VAT1L: variants seen among roughly 807,000 people sequenced by gnomAD.
The protein encoded by VAT1L is putative NADPH-dependent quinone oxidoreductase VAT1L.
VAT1L carries 34 observed loss-of-function variants against 44.1 expected under a neutral mutation model. The observed-to-expected ratio is 0.77, with a 90% CI of 0.59 to 1.03. The LOEUF (loss-of-function observed/expected upper bound fraction) is 1.03, where lower values mean the gene tolerates loss of function less well. Ranked by LOEUF, VAT1L falls within the 50% of genes least tolerant of loss-of-function variation. VAT1L has a pLI of 0.00. For missense variants in VAT1L, 615 were observed against 538.8 expected, an observed-to-expected ratio of 1.14 and a Z score of -1.40; for synonymous variants, 253 against 202.2, an observed-to-expected ratio of 1.25 and a Z score of -2.13.
chr16:77,836,395 GA>G (rs991542561), intron 3 of VAT1L, among the ~76,000 whole-genome samples: 2 of 152,124 alleles, frequency 1.3e-5, no homozygotes, highest in Non-Finnish European at 1.5e-5. Context: ...AAAATTTAAA[GA>G]GAACTAAATG....
At chr16:77,964,673 T>G (rs1017489022) in intron 7 of VAT1L, among the ~76,000 whole-genome samples, 1 of 151,978 alleles carries the variant, frequency 6.6e-6, no homozygotes, top group Middle Eastern at 3.4e-3. Flanking sequence ...GAGTGTGAGG[T>G]CATTCTGTCT....
intron 3 of VAT1L, among the ~76,000 whole-genome samples, chr16:77,859,247 C>G (rs577800062): frequency 7.5e-4 from 114 of 152,118 alleles, no homozygotes; most frequent in African/African-American, 2.7e-3. Context: ...TTGCAGTGAG[C>G]CATGATTGAA....
At chr16:77,857,402 G>A (rs72791000) in intron 3 of VAT1L, among the ~76,000 whole-genome samples, 13,536 of 152,060 alleles carry the variant, frequency 0.089, 949 homozygotes, top group East Asian at 0.28. Flanking sequence ...TAAATGTGTG[G>A]GAAGGCACTT....
At chr16:77,932,190 G>A (rs2017739312) in intron 7 of VAT1L, among the ~76,000 whole-genome samples, 1 of 143,404 alleles carries the variant, frequency 7.0e-6, no homozygotes, top group African/African-American at 2.6e-5. Context: ...TGCAAGCTCT[G>A]CCTCCTGGGT....
intron 1 of VAT1L, among the ~76,000 whole-genome samples, chr16:77,796,898 C>T (rs567491219): frequency 2.6e-5 from 4 of 152,250 alleles, no homozygotes; most frequent in Admixed American, 1.3e-4. Flanking sequence ...CAATCTGGGA[C>T]GTTCTCACTT....
intron 7 of VAT1L, among the ~76,000 whole-genome samples, chr16:77,894,384 G>A (rs921566460): frequency 3.3e-5 from 5 of 152,228 alleles, no homozygotes; most frequent in Admixed American, 2.6e-4. Flanking sequence ...GGGGGCAGAA[G>A]TCTGAATGCA....
At chr16:77,927,283 A>C (rs539674262) in intron 7 of VAT1L, among the ~76,000 whole-genome samples, 11 of 149,950 alleles carry the variant, frequency 7.3e-5, no homozygotes, top group African/African-American at 2.7e-4. Flanking sequence ...GCTTGCAGTG[A>C]GCCGAGATCG....
At chr16:77,797,657 G>T in intron 1 of VAT1L, among the ~76,000 whole-genome samples, 1 of 152,124 alleles carries the variant, frequency 6.6e-6, no homozygotes, top group Non-Finnish European at 1.5e-5. Context: ...CAAATCCCAT[G>T]CTTTGGACAC....
chr16:77,895,101 C>CACACACAA lies in VAT1L; in HGVS notation c.1077+10306_1077+10307insAACACACA, dbSNP rs1555517703. On this transcript the variant is annotated intron_variant, in intron 7 of 8. Transcript: ENST00000302536. ...AACGTGATCACCCCAGCCACTTGCC[C>CACACACAA]ACACACACACACACACTCACACATT... Among the ~76,000 whole-genome samples the CACACACAA allele has an allele frequency of 1.3e-3, 8 of 6,168 alleles. 1 individual carries two copies. Among genetic ancestry groups the CACACACAA allele is most frequent in the African/African-American group, 1.4e-3 (8 of 5,748 alleles). The allele number at this position is 6,168 out of a possible 152,430, so 4.0% of individuals were successfully genotyped here. A position where few individuals can be genotyped will look rare whatever the true frequency, so the allele number is the denominator to read the frequency against.
At chr16:77,956,366 C>T (rs1258031933) in intron 7 of VAT1L, among the ~76,000 whole-genome samples, 1 of 152,140 alleles carries the variant, frequency 6.6e-6, no homozygotes, top group Non-Finnish European at 1.5e-5. Flanking sequence ...TTTATGTACC[C>T]CTGATTGACA....
intron 3 of VAT1L, among the ~76,000 whole-genome samples, chr16:77,845,680 C>T (rs1023842816): frequency 6.6e-6 from 1 of 152,160 alleles, no homozygotes; most frequent in Admixed American, 6.5e-5. Flanking sequence ...CCTGTCCGCT[C>T]ATCCTCTCCA....
chr16:77,898,192 G>C (rs1395399499), intron 7 of VAT1L, among the ~76,000 whole-genome samples: 1 of 152,112 alleles, frequency 6.6e-6, no homozygotes, highest in Non-Finnish European at 1.5e-5. Flanking sequence ...AAGAACACTA[G>C]TATTGGATTA....
intron 7 of VAT1L, among the ~76,000 whole-genome samples, chr16:77,935,595 G>A (rs530337331): frequency 6.6e-6 from 1 of 151,976 alleles, no homozygotes; most frequent in South Asian, 2.1e-4. Flanking sequence ...AGAAAGGAGT[G>A]AGAGGGACAG....
intron 7 of VAT1L, among the ~76,000 whole-genome samples, chr16:77,932,197 G>C (rs60687820): frequency 0.016 from 2,385 of 147,492 alleles, 61 homozygotes; most frequent in African/African-American, 0.056. Context: ...TCTGCCTCCT[G>C]GGTTCAGGCC....
chr16:77,977,817 T>G lies in VAT1L; in HGVS notation c.*122T>G. 8.5e-6 allele frequency: 8 copies of G among 946,704 alleles called. No homozygotes were observed. Among genetic ancestry groups the G allele is most frequent in the Non-Finnish European group, 1.3e-5 (8 of 622,386 alleles). 58.6% of individuals were successfully genotyped at this position (946,704 alleles called of 1,614,324 possible). ...CAGTGCGTGTCGTGTTTGTCTGCAG[T>G]CAGCTGAGCTAAAAAGCTGTTGATC... On this transcript the variant is annotated 3_prime_UTR_variant, in exon 9 of 9. Transcript: ENST00000302536.
intron 7 of VAT1L, among the ~76,000 whole-genome samples, chr16:77,938,813 A>G (rs1334822145): frequency 6.6e-6 from 1 of 152,228 alleles, no homozygotes; most frequent in African/African-American, 2.4e-5. Flanking sequence ...CAGCAAAAAT[A>G]GGTGAGTGAG....
chr16:77,904,812 A>G (rs1260082219), intron 7 of VAT1L, among the ~76,000 whole-genome samples: 1 of 151,738 alleles, frequency 6.6e-6, no homozygotes, highest in Non-Finnish European at 1.5e-5. Flanking sequence ...TCCTTAATCC[A>G]TATTTTTATG....
At position 77,884,549 on chromosome 16, in the gene VAT1L, C is replaced by A; in HGVS notation, c.883-59C>A. 1 of 1,534,030 alleles carries A rather than the reference C, an allele frequency of 6.5e-7. No homozygotes were observed. Among genetic ancestry groups the A allele is most frequent in the Non-Finnish European group, 8.9e-7 (1 of 1,129,804 alleles). ...TAGCTGATGACATCAGCAATGCTGCCAATGTAGGCTTAACCCCGGTATTGA... is the reference window on the plus strand; with the variant it reads ...TAGCTGATGACATCAGCAATGCTGCAAATGTAGGCTTAACCCCGGTATTGA... On this transcript the variant is annotated intron_variant, in intron 6 of 8. Coordinates refer to ENST00000302536, the MANE Select transcript of VAT1L (RefSeq NM_020927.3). The surrounding 1 kb of genome is among the most constrained non-coding windows in gnomAD (Gnocchi z 4.5).
At chr16:77,939,581 C>G (rs945036996) in intron 7 of VAT1L, among the ~76,000 whole-genome samples, 1 of 152,132 alleles carries the variant, frequency 6.6e-6, no homozygotes, top group Non-Finnish European at 1.5e-5. Context: ...AATCCAGTAA[C>G]CTGGGTTTGG....
Sources: gnomAD v4.1 joint callset for allele counts (sites outside exome capture counted in the v4.1 genomes callset) on GRCh38, gnomAD v4.1.1 for gene constraint, Gnocchi (gnomAD v3.1) non-coding constraint, MANE v1.5 for transcripts, NCBI Gene and HGNC (gene_info 2026-07-23, HGNC 2026-07-21) for gene names.